PRIM2: variants seen among roughly 807,000 people sequenced by gnomAD.
The protein encoded by PRIM2 is DNA primase large subunit.
PRIM2 carries 39 observed loss-of-function variants against 67.3 expected under a neutral mutation model. The observed-to-expected ratio is 0.58, with a 90% CI of 0.45 to 0.76. PRIM2 has a LOEUF of 0.76. Among genes scored for constraint, PRIM2 ranks in the 30% least tolerant of loss-of-function variants. PRIM2 has a pLI of 0.00. For missense variants in PRIM2, 398 were observed against 598.7 expected, an observed-to-expected ratio of 0.66 and a Z score of 3.50; for synonymous variants, 143 against 198.7, an observed-to-expected ratio of 0.72 and a Z score of 2.36.
intron 7 of PRIM2, among the ~76,000 whole-genome samples, chr6:57,408,539 A>G (rs1770977991): frequency 6.6e-6 from 1 of 152,172 alleles, no homozygotes; most frequent in South Asian, 2.1e-4. Context: ...TGTACAATAA[A>G]TAGCCTTTAG....
chr6:57,493,271 A>G, intron 7 of PRIM2, among the ~76,000 whole-genome samples: 1 of 152,298 alleles, frequency 6.6e-6, no homozygotes, highest in African/African-American at 2.4e-5. Context: ...TACTGTTGTA[A>G]ATGTCCTGTT....
intron 7 of PRIM2, among the ~76,000 whole-genome samples, chr6:57,467,114 AAAAAAAG>A (rs1257538072): frequency 2.7e-5 from 4 of 149,930 alleles, no homozygotes; most frequent in Admixed American, 6.6e-5. Flanking sequence ...TCAAAAAAAA[AAAAAAAG>A]AAAAGAAAAA....
chr6:57,562,820 C>T (rs1308816624), intron 10 of PRIM2, among the ~76,000 whole-genome samples: 1 of 152,190 alleles, frequency 6.6e-6, no homozygotes, highest in Non-Finnish European at 1.5e-5. Context: ...GCAAATTCTT[C>T]TGGCTCAACC....
intron 10 of PRIM2, among the ~76,000 whole-genome samples, chr6:57,591,709 C>G (rs1243326894): frequency 2.0e-5 from 3 of 152,186 alleles, no homozygotes; most frequent in East Asian, 1.9e-4. Flanking sequence ...GGAATCCTTA[C>G]ACACTACTGG....
At position 57,476,826 on chromosome 6, in the gene PRIM2, C is replaced by T. The variant is rs1243612096; in HGVS notation, c.694-30561C>T. On this transcript the variant is annotated intron_variant, in intron 7 of 13. Coordinates refer to ENST00000615550, the MANE Select transcript of PRIM2 (RefSeq NM_000947.5). ...GCAATGGTGCGATCTCGGCTCACTG[C>T]AACCTCCGCCTTCTGGGTTCAAGTG... is the stretch of plus-strand genomic sequence containing the variant. Among the ~76,000 whole-genome samples, 3 of 152,184 alleles carry T rather than the reference C, an allele frequency of 2.0e-5. No homozygotes were observed. In the East Asian group the frequency reaches 5.8e-4, roughly 29 times the overall value.
At chr6:57,500,388 A>G (rs1774107407) in intron 7 of PRIM2, among the ~76,000 whole-genome samples, 1 of 152,204 alleles carries the variant, frequency 6.6e-6, no homozygotes, top group Non-Finnish European at 1.5e-5. Context: ...ACATTCGTGT[A>G]TTTACCTCTA....
rs1447174763 is a variant in PRIM2, at chr6:57,562,029, G to A, written c.1020+24404G>A. 1.2e-3 allele frequency among the ~76,000 whole-genome samples: 177 copies of A among 152,202 alleles called. 5 individuals are homozygous for A. In the East Asian group the frequency reaches 0.033, roughly 28 times the overall value. On this transcript the variant is annotated intron_variant, in intron 10 of 13. Coordinates refer to ENST00000615550, the MANE Select transcript of PRIM2 (RefSeq NM_000947.5). ...AGGCCTGAGGAGAGGGAGAGAGACA[G>A]GGTTATGGCCAGTTGGTGGAGCAGT...
At chr6:57,302,441 T>C in the PRIM2 span, among the ~76,000 whole-genome samples, 1 of 152,208 alleles carries the variant, frequency 6.6e-6, no homozygotes, top group African/African-American at 2.4e-5. Context: ...AGTCTTAAAT[T>C]GTACATTAAA....
the PRIM2 span, among the ~76,000 whole-genome samples, chr6:57,296,394 A>G: frequency 1.3e-5 from 2 of 151,184 alleles, no homozygotes; most frequent in Non-Finnish European, 2.9e-5. Flanking sequence ...AGGTCTGTAA[A>G]TAATTCCCGA....
the PRIM2 span, among the ~76,000 whole-genome samples, chr6:57,238,217 T>C: frequency 1.3e-5 from 2 of 152,332 alleles, no homozygotes; most frequent in Non-Finnish European, 2.9e-5. Context: ...GCAGACCTAA[T>C]AGACATCTAC....
intron 7 of PRIM2, among the ~76,000 whole-genome samples, chr6:57,475,694 C>T (rs1282280683): frequency 3.3e-5 from 5 of 152,212 alleles, no homozygotes; most frequent in African/African-American, 1.2e-4. Flanking sequence ...AGGCCCAGAG[C>T]ATGTCAAGGA....
At chr6:57,302,333 G>C in the PRIM2 span, among the ~76,000 whole-genome samples, 1 of 152,140 alleles carries the variant, frequency 6.6e-6, no homozygotes, top group African/African-American at 2.4e-5. Context: ...TTTAAGTGCT[G>C]CATTTAAGTA....
intron 10 of PRIM2, among the ~76,000 whole-genome samples, chr6:57,586,334 G>T (rs1463441910): frequency 6.6e-6 from 1 of 152,240 alleles, no homozygotes; most frequent in Admixed American, 6.5e-5. Flanking sequence ...TTTTTTGGAG[G>T]TGGTCTGTGT....
chr6:57,430,057 TG>T (rs1415551569), intron 7 of PRIM2, among the ~76,000 whole-genome samples: 1 of 152,132 alleles, frequency 6.6e-6, no homozygotes, highest in Admixed American at 6.6e-5. Context: ...AAATTGGGGA[TG>T]GGGGATAAAG....
chr6:57,525,041 T>A (rs1283453696), intron 8 of PRIM2, among the ~76,000 whole-genome samples: 1 of 152,010 alleles, frequency 6.6e-6, no homozygotes. Flanking sequence ...CTGCCTAATT[T>A]CCTACCGAAT....
At position 57,528,206 on chromosome 6, in the gene PRIM2, C is replaced by T. The variant is rs1258061503; in HGVS notation, c.762-4205C>T. ...CTGATCTCTAACTCCTGGGCTCAAG[C>T]GGTCCTCCTGCCTTGGCTTCCCAAA... On this transcript the variant is annotated intron_variant, in intron 8 of 13. Transcript: ENST00000615550. Among the ~76,000 whole-genome samples the T allele has an allele frequency of 4.2e-3, 634 of 149,678 alleles. 1 individual carries two copies. Among genetic ancestry groups the T allele is most frequent in the African/African-American group, 0.013 (546 of 40,746 alleles).
At chr6:57,590,204 AC>A (rs1231817084) in intron 10 of PRIM2, among the ~76,000 whole-genome samples, 4 of 150,926 alleles carry the variant, frequency 2.7e-5, no homozygotes, top group Non-Finnish European at 5.9e-5. Flanking sequence ...ACCACCAGAT[AC>A]CCAAAAAGCA....
At chr6:57,470,190 C>T (rs1350260923) in intron 7 of PRIM2, among the ~76,000 whole-genome samples, 6 of 151,828 alleles carry the variant, frequency 4.0e-5, no homozygotes, top group Admixed American at 2.6e-4. Flanking sequence ...TTTAAATTTC[C>T]CCCCAATCTC....
chr6:57,288,223 G>C, the PRIM2 span, among the ~76,000 whole-genome samples: 1 of 152,144 alleles, frequency 6.6e-6, no homozygotes, highest in Non-Finnish European at 1.5e-5. Context: ...GCGTGGGGAG[G>C]GGGTGTCTGC....
Sources: allele counts gnomAD v4.1 joint callset (sites outside exome capture counted in the v4.1 genomes callset), GRCh38; gene constraint gnomAD v4.1.1; transcripts MANE v1.5; gene names NCBI Gene and HGNC (gene_info 2026-07-23, HGNC 2026-07-21).